The following PDS5B variants were observed in gnomAD, a reference collection of about 807,000 sequenced individuals.
The protein encoded by PDS5B is PDS5 cohesin associated factor B.
A neutral mutation model predicts 184.1 loss-of-function variants in PDS5B; 51 were observed. The ratio of observed to expected loss-of-function variants is 0.28; its 90% CI spans 0.22 to 0.35. The LOEUF (loss-of-function observed/expected upper bound fraction) is 0.35, where lower values mean the gene tolerates loss of function less well. PDS5B is among the 10% of genes least tolerant of loss of function. The pLI is 1.00. For missense variants in PDS5B, 1,180 were observed against 1,723.3 expected (o/e 0.68, Z 5.58); for synonymous variants, 566 against 569.2 (o/e 0.99, Z 0.08).
At chr13:32,760,460 C>CA (rs1423243120) in intron 29 of PDS5B, 115 bp from the exon 30 acceptor site, 24 of 951,466 alleles carry the variant, frequency 2.5e-5, no homozygotes, top group Non-Finnish European at 3.6e-5. Context: ...AGGATAGACA[C>CA]ATTTTTCATG....
At chr13:32,773,076 G>T (rs1230097569) in intron 33 of PDS5B, 113 bp from the exon 34 acceptor site, 1 of 808,470 alleles carries the variant, frequency 1.2e-6, no homozygotes, top group African/African-American at 1.7e-5. Flanking sequence ...GTCTCATAAA[G>T]TAACTGAGGG....
chr13:32,699,959 A>G (rs1323536347), intron 16 of PDS5B, 90 bp downstream of exon 16: 3 of 1,198,056 alleles, frequency 2.5e-6, no homozygotes, highest in Non-Finnish European at 3.4e-6. Flanking sequence ...TATTCATTAT[A>G]TTAAATTTGA....
chr13:32,657,330 C>A (rs894899837), intron 3 of PDS5B, among the ~76,000 whole-genome samples: 7 of 152,150 alleles, frequency 4.6e-5, no homozygotes, highest in Non-Finnish European at 1.0e-4. Flanking sequence ...ATGTAATGCT[C>A]TTCTTTGTCA....
At chr13:32,678,116 C>G (rs1188546206) in intron 9 of PDS5B, among the ~76,000 whole-genome samples, 1 of 152,040 alleles carries the variant, frequency 6.6e-6, no homozygotes, top group African/African-American at 2.4e-5. Context: ...CAGAATGATA[C>G]AATTAGCGAA....
chr13:32,595,380 GAT>G (rs71727393), intron 1 of PDS5B, among the ~76,000 whole-genome samples: 2,432 of 152,116 alleles, frequency 0.016, 64 homozygotes, highest in African/African-American at 0.055. Flanking sequence ...AAAGGAAAAA[GAT>G]ACACAATAAA....
At chr13:32,729,614 T>G (rs1459720539) in intron 19 of PDS5B, among the ~76,000 whole-genome samples, 1 of 152,224 alleles carries the variant, frequency 6.6e-6, no homozygotes, top group African/African-American at 2.4e-5. Flanking sequence ...ATCTGTTGTT[T>G]CCTGACTTTT....
At position 32,655,359 on chromosome 13, in the gene PDS5B, C is replaced by CATATATATATATATAT. The variant is rs1177251327; in HGVS notation, c.313-2879_313-2864dup. Among the ~76,000 whole-genome samples, 89 of 39,562 alleles carry CATATATATATATATAT rather than the reference C, an allele frequency of 2.2e-3. 5 individuals carry two copies. Among genetic ancestry groups the CATATATATATATATAT allele is most frequent in the East Asian group, 0.012 (3 of 246 alleles). The allele number at this position is 39,562 out of a possible 152,430, so 26.0% of individuals were successfully genotyped here. On this transcript the variant is annotated intron_variant, in intron 3 of 34. Coordinates refer to ENST00000315596, the MANE Select transcript of PDS5B (RefSeq NM_015032.4). ...AAAAGTATCTCTTCATGTTCTTTGCCATATATATATATATATTTTTTTTTT... is the reference window on the plus strand; with the variant it reads ...AAAAGTATCTCTTCATGTTCTTTGCCATATATATATATATATATATATATATATATATTTTTTTTTT...
At chr13:32,660,277 C>G (rs1333117695) in intron 6 of PDS5B, among the ~76,000 whole-genome samples, 1 of 152,190 alleles carries the variant, frequency 6.6e-6, no homozygotes, top group Non-Finnish European at 1.5e-5. Context: ...TCTCCTTCAC[C>G]TTGGTGCCCA....
intron 21 of PDS5B, among the ~76,000 whole-genome samples, chr13:32,737,588 C>A (rs1397010696): frequency 6.6e-6 from 1 of 152,150 alleles, no homozygotes; most frequent in Non-Finnish European, 1.5e-5. Flanking sequence ...TGTCTGTTGC[C>A]TTCAAACTGA....
intron 1 of PDS5B, among the ~76,000 whole-genome samples, chr13:32,648,422 A>G (rs1376045017): frequency 1.3e-5 from 2 of 152,106 alleles, no homozygotes; most frequent in Non-Finnish European, 2.9e-5. Context: ...ATTTTCTCTT[A>G]GGTTTTAGTT....
intron 5 of PDS5B, among the ~76,000 whole-genome samples, chr13:32,658,929 G>T (rs755839895): frequency 8.2e-6 from 1 of 122,588 alleles, no homozygotes; most frequent in Admixed American, 7.8e-5. Flanking sequence ...TTGATTGTGA[G>T]ACTGGTTAAA....
intron 21 of PDS5B, among the ~76,000 whole-genome samples, chr13:32,737,985 A>C (rs1953399360): frequency 6.6e-6 from 1 of 152,182 alleles, no homozygotes; most frequent in Non-Finnish European, 1.5e-5. Flanking sequence ...TACCCTGTAT[A>C]GTCTTGGAGG....
intron 11 of PDS5B, among the ~76,000 whole-genome samples, chr13:32,685,966 C>A (rs1951376055): frequency 6.6e-6 from 1 of 152,060 alleles, no homozygotes; most frequent in Non-Finnish European, 1.5e-5. Flanking sequence ...CTGTAGAAGT[C>A]TTTTATTTCA....
intron 13 of PDS5B, chr13:32,689,070 T>C (rs1226268341): frequency 6.3e-6 from 1 of 158,340 alleles, no homozygotes; most frequent in Non-Finnish European, 1.4e-5. Context: ...GAAAGTACTT[T>C]TGGGTGTTTA....
chr13:32,625,566 GT>G (rs1353780713), intron 1 of PDS5B, among the ~76,000 whole-genome samples: 1 of 152,090 alleles, frequency 6.6e-6, no homozygotes, highest in Non-Finnish European at 1.5e-5. Flanking sequence ...TCCTGATGGG[GT>G]TTTGTGTATA....
At chr13:32,753,699 A>T (rs1171140137) in intron 25 of PDS5B, among the ~76,000 whole-genome samples, 163 bp downstream of exon 25, 2 of 152,182 alleles carry the variant, frequency 1.3e-5, no homozygotes, top group African/African-American at 4.8e-5. Flanking sequence ...AAGGTCATTT[A>T]AAAAATGCAT....
At position 32,775,319 on chromosome 13, in the gene PDS5B, CT is replaced by C. The variant is rs200496593; in HGVS notation, c.*275del. The C allele has an allele frequency of 2.4e-3, 1,053 of 434,792 alleles. 9 individuals carry two copies. The highest frequency in any genetic ancestry group is 0.018 in the African/African-American group (901 of 49,570). The allele number at this position is 434,792 out of a possible 1,614,324, so 26.9% of individuals were successfully genotyped here. On this transcript the variant is annotated 3_prime_UTR_variant, in exon 35 of 35. Transcript: ENST00000315596. ...GAAGAAACTTGTAAATATCTTTTTTCTTTTTTTTAATGTTTCTGATTTCTGA... is the reference window on the plus strand; with the variant it reads ...GAAGAAACTTGTAAATATCTTTTTTCTTTTTTTAATGTTTCTGATTTCTGA...
chr13:32,648,908 T>A (rs1427059280), intron 2 of PDS5B, 28 bp downstream of exon 2: 4 of 985,502 alleles, frequency 4.1e-6, no homozygotes, highest in Non-Finnish European at 4.9e-6. Flanking sequence ...CTTTTTTACA[T>A]CTGTGTAGGG....
chr13:32,777,978 C>T lies in PDS5B; in HGVS notation c.*2926C>T, dbSNP rs897916072. On this transcript the variant is annotated 3_prime_UTR_variant, in exon 35 of 35. Transcript: ENST00000315596. ...TAAATAGATAACCAATTTTCAGACA[C>T]ATTTTTGGATTTCTGTGAAGTTGAA... The T allele has an allele frequency of 2.6e-5, 4 of 152,358 alleles. No individual in the cohort carries two copies. The highest frequency in any genetic ancestry group is 5.9e-5 in the Non-Finnish European group (4 of 67,826). 9.4% of individuals were successfully genotyped at this position (152,358 alleles called of 1,614,324 possible).
Sources: allele counts gnomAD v4.1 joint callset (sites outside exome capture counted in the v4.1 genomes callset), GRCh38; gene constraint gnomAD v4.1.1; transcripts MANE v1.5; gene names NCBI Gene and HGNC (gene_info 2026-07-23, HGNC 2026-07-21).